The following KIF13B variants were observed in gnomAD, a reference collection of about 807,000 sequenced individuals.
The protein encoded by KIF13B is kinesin family member 13B, also known as kinesin-like protein KIF13B.
Under a neutral mutation model 222.0 loss-of-function variants are expected in KIF13B, and 127 were observed. The ratio of observed to expected loss-of-function variants is 0.57; its 90% confidence interval spans 0.50 to 0.66. The LOEUF (loss-of-function observed/expected upper bound fraction) is 0.66. KIF13B is among the 30% of genes least tolerant of loss of function. The probability of loss-of-function intolerance (pLI) is 0.00; values close to 1 mark genes in which losing one functional copy is unlikely to be tolerated. For synonymous variants in KIF13B, 976 were observed against 919.0 expected, an observed-to-expected ratio of 1.06 and a Z score of -1.12; for missense variants, 2,173 against 2,379.0, an observed-to-expected ratio of 0.91 and a Z score of 1.80.
chr8:29,197,145 G>A (rs1459410289), intron 2 of KIF13B, among the ~76,000 whole-genome samples: 1 of 151,316 alleles, frequency 6.6e-6, no homozygotes, highest in Non-Finnish European at 1.5e-5. Flanking sequence ...AGACCATCCC[G>A]GCTAAAACGG....
At chr8:29,117,439 CTAT>C (rs1809655164) in intron 30 of KIF13B, among the ~76,000 whole-genome samples, 2 of 152,244 alleles carry the variant, frequency 1.3e-5, no homozygotes, top group South Asian at 4.1e-4. Flanking sequence ...CAGGAATACA[CTAT>C]TATTTAATAT....
chr8:29,114,743 C>A (rs1809516878), intron 31 of KIF13B, among the ~76,000 whole-genome samples: 1 of 152,164 alleles, frequency 6.6e-6, no homozygotes, highest in Admixed American at 6.5e-5. Context: ...AAAAATATGG[C>A]AACCTATTGT....
At chr8:29,193,229 T>C (rs1813267870) in intron 3 of KIF13B, among the ~76,000 whole-genome samples, 1 of 152,142 alleles carries the variant, frequency 6.6e-6, no homozygotes, top group South Asian at 2.1e-4. Context: ...CCAGCTGCAG[T>C]GTTGTGTTAC....
At chr8:29,125,023 C>G (rs1000554511) in intron 26 of KIF13B, among the ~76,000 whole-genome samples, 1 of 152,156 alleles carries the variant, frequency 6.6e-6, no homozygotes, top group Non-Finnish European at 1.5e-5. Context: ...GCACTATGGT[C>G]TGGGTGGTAG....
chr8:29,139,966 G>T, intron 21 of KIF13B, 97 bp downstream of exon 21: 1 of 1,070,420 alleles, frequency 9.3e-7, no homozygotes, highest in Non-Finnish European at 1.3e-6. Context: ...CTATTAGGTT[G>T]GTGCAAAAGT....
chr8:29,117,072 G>C, intron 30 of KIF13B, 65 bp from the exon 31 acceptor site: 1 of 1,443,234 alleles, frequency 6.9e-7, no homozygotes, highest in Non-Finnish European at 9.3e-7. Flanking sequence ...CTCTTTCAAG[G>C]AAACCACCTT....
rs1233271758 is a variant in KIF13B, at chr8:29,071,226, CAG to C, written c.5218+392_5218+393del. ...GCAAAACTGCCAAATGAGGGCGAGT[CAG>C]AGGCCAGCGAGATGTGTCCGGATGG... On this transcript the variant is annotated intron_variant, in intron 39 of 39. Coordinates refer to ENST00000524189, the MANE Select transcript of KIF13B (RefSeq NM_015254.4). This position sits in a 1 kb window ranked among gnomAD's most constrained non-coding sequence, Gnocchi z 4.9. Among the ~76,000 whole-genome samples the C allele has an allele frequency of 6.6e-6, 1 of 152,172 alleles. No individual in the cohort carries two copies. The highest frequency in any genetic ancestry group is 1.5e-5 in the Non-Finnish European group (1 of 68,020).
chr8:29,079,451 AC>A (rs1807707874), intron 37 of KIF13B, among the ~76,000 whole-genome samples: 1 of 152,228 alleles, frequency 6.6e-6, no homozygotes, highest in African/African-American at 2.4e-5. Flanking sequence ...AAGGAGACAG[AC>A]TACAGCTCAT....
intron 1 of KIF13B, among the ~76,000 whole-genome samples, chr8:29,253,396 C>T (rs1316568138): frequency 6.6e-6 from 1 of 151,620 alleles, no homozygotes; most frequent in Non-Finnish European, 1.5e-5. Context: ...TGTTCATACT[C>T]AAGAAATGAA....
chr8:29,196,895 G>A (rs1813445576), intron 2 of KIF13B, among the ~76,000 whole-genome samples: 1 of 152,102 alleles, frequency 6.6e-6, no homozygotes, highest in Non-Finnish European at 1.5e-5. Context: ...AAATTCTGGA[G>A]CATTTTGGAT....
intron 21 of KIF13B, among the ~76,000 whole-genome samples, chr8:29,138,031 C>T (rs1810642395): frequency 6.6e-6 from 1 of 152,188 alleles, no homozygotes; most frequent in Admixed American, 6.5e-5. Flanking sequence ...ACTAACTTGT[C>T]ACATTTTGGA....
At chr8:29,073,163 A>G (rs1586739548) in intron 38 of KIF13B, among the ~76,000 whole-genome samples, 1 of 101,176 alleles carries the variant, frequency 9.9e-6, no homozygotes, top group African/African-American at 4.1e-5. Context: ...GAGGAGGGGG[A>G]TGAGGAGGGG....
chr8:29,208,547 A>G (rs1055856598), intron 2 of KIF13B, among the ~76,000 whole-genome samples: 2 of 152,204 alleles, frequency 1.3e-5, no homozygotes, highest in African/African-American at 4.8e-5. Context: ...ATAACCCAAA[A>G]AAGGTTAAGA....
chr8:29,131,377 T>A (rs1266694995), intron 23 of KIF13B, among the ~76,000 whole-genome samples: 1 of 151,962 alleles, frequency 6.6e-6, no homozygotes, highest in African/African-American at 2.4e-5. Flanking sequence ...ACAGGGGTTG[T>A]CTTTTCGTAG....
intron 21 of KIF13B, among the ~76,000 whole-genome samples, chr8:29,134,549 G>A (rs1334493922): frequency 6.6e-6 from 1 of 152,194 alleles, no homozygotes; most frequent in African/African-American, 2.4e-5. Flanking sequence ...ACTCTTCAAT[G>A]ATATGAACTT....
intron 31 of KIF13B, among the ~76,000 whole-genome samples, chr8:29,115,079 C>A (rs1364411264): frequency 5.3e-5 from 8 of 152,106 alleles, no homozygotes; most frequent in Non-Finnish European, 4.4e-5. Context: ...GGCATTACCG[C>A]CAGTCTTCAT....
At position 29,206,532 on chromosome 8, in the gene KIF13B, G is replaced by A. The variant is rs538184883; in HGVS notation, c.150-10333C>T. 2.0e-5 allele frequency among the ~76,000 whole-genome samples: 3 copies of A among 152,156 alleles called. No individual in the cohort carries two copies. The East Asian group carries it at 5.8e-4, about 29-fold the overall frequency. On this transcript the variant is annotated intron_variant, in intron 2 of 39. Transcript: ENST00000524189. ...GACTACCTATTTCACTACTCACAAG[G>A]GAAAAAACAGCTTAACTGAAGATGG...
chr8:29,182,476 G>C (rs1246667522), intron 6 of KIF13B, among the ~76,000 whole-genome samples: 1 of 152,126 alleles, frequency 6.6e-6, no homozygotes, highest in Non-Finnish European at 1.5e-5. Context: ...TTGGAAAAAA[G>C]AGCCATGCGC....
At chr8:29,112,775 A>G (rs1809417819) in intron 32 of KIF13B, among the ~76,000 whole-genome samples, 1 of 152,240 alleles carries the variant, frequency 6.6e-6, no homozygotes, top group Admixed American at 6.5e-5. Context: ...CACCTGGGTG[A>G]ATGAATACAT....
Sources: gnomAD v4.1 joint callset for allele counts (sites outside exome capture counted in the v4.1 genomes callset) on GRCh38, gnomAD v4.1.1 for gene constraint, Gnocchi (gnomAD v3.1) non-coding constraint, MANE v1.5 for transcripts, NCBI Gene and HGNC (gene_info 2026-07-23, HGNC 2026-07-21) for gene names.